CLVS1: variants seen among roughly 807,000 people sequenced by gnomAD.
CLVS1 encodes clavesin 1.
A neutral mutation model predicts 33.1 loss-of-function variants in CLVS1; 10 were observed. The observed-to-expected ratio is 0.30, with a 90% confidence interval of 0.19 to 0.51. The LOEUF (loss-of-function observed/expected upper bound fraction) is 0.51. CLVS1 is among the 20% of genes least tolerant of loss of function. The pLI is 0.97. For synonymous variants in CLVS1, 163 were observed against 166.1 expected (o/e 0.98, Z 0.14); for missense variants, 343 against 433.4 (o/e 0.79, Z 1.85).
chr8:61,151,409 T>C (rs1193838399), intron 2 of CLVS1, among the ~76,000 whole-genome samples: 5 of 152,202 alleles, frequency 3.3e-5, no homozygotes, highest in Non-Finnish European at 1.5e-5. Flanking sequence ...CCCATTTTAG[T>C]CATGAGAACA....
At chr8:61,193,362 G>T (rs1354074776) in intron 2 of CLVS1, among the ~76,000 whole-genome samples, 3 of 152,084 alleles carry the variant, frequency 2.0e-5, no homozygotes, top group Non-Finnish European at 4.4e-5. Context: ...ACACACCTGG[G>T]CCTGTCGTAG....
At position 61,337,555 on chromosome 8, in the gene CLVS1, C is replaced by T. The variant is rs188376899; in HGVS notation, c.455+37273C>T. On this transcript the variant is annotated intron_variant, in intron 2 of 5. Coordinates refer to ENST00000325897, the MANE Select transcript of CLVS1 (RefSeq NM_173519.3). The stretch of plus-strand genomic sequence containing the variant: ...CCAAAAGCACAACCGAGACACCTGC[C>T]GAGTTTGAGAGATTTCCTCTGCTGT... Among the ~76,000 whole-genome samples the T allele has an allele frequency of 6.0e-4, 91 of 152,210 alleles. No homozygotes were observed. The East Asian group carries it at 0.015, about 26-fold the overall frequency.
At chr8:61,212,313 T>A (rs1156790013) in intron 2 of CLVS1, among the ~76,000 whole-genome samples, 8 of 151,830 alleles carry the variant, frequency 5.3e-5, no homozygotes, top group Admixed American at 3.3e-4. Context: ...GCAACAGAGG[T>A]AGGCAGTGAG....
intron 2 of CLVS1, among the ~76,000 whole-genome samples, chr8:61,211,836 A>G (rs1470448534): frequency 6.6e-6 from 1 of 152,198 alleles, no homozygotes; most frequent in Admixed American, 6.5e-5. Flanking sequence ...CAGAAAGGTC[A>G]AAGTCAGAGA....
chr8:60,975,130 A>C, the CLVS1 span, among the ~76,000 whole-genome samples: 7,178 of 152,264 alleles, frequency 0.047, 310 homozygotes, highest in African/African-American at 0.12. Context: ...AGGAAATAGC[A>C]GGAGTAAGAG....
At chr8:61,338,036 A>T (rs1410353652) in intron 2 of CLVS1, among the ~76,000 whole-genome samples, 1 of 152,160 alleles carries the variant, frequency 6.6e-6, no homozygotes, top group Non-Finnish European at 1.5e-5. Context: ...ATACCTTGAG[A>T]CTTGGCACCC....
intron 1 of CLVS1, among the ~76,000 whole-genome samples, chr8:61,073,507 C>T (rs1270930187): frequency 1.3e-5 from 2 of 152,172 alleles, no homozygotes; most frequent in African/African-American, 4.8e-5. Flanking sequence ...TTTGTAGAAT[C>T]TGTTTGTTCA....
chr8:61,245,619 C>A (rs909228247), intron 2 of CLVS1, among the ~76,000 whole-genome samples: 2 of 151,780 alleles, frequency 1.3e-5, no homozygotes, highest in Non-Finnish European at 2.9e-5. Context: ...CATCTTATAT[C>A]ATCAGCATCT....
At chr8:61,063,498 C>T (rs1804623168) in intron 1 of CLVS1, among the ~76,000 whole-genome samples, 1 of 152,038 alleles carries the variant, frequency 6.6e-6, no homozygotes, top group South Asian at 2.1e-4. Flanking sequence ...AGGACAGGAA[C>T]ATTGCAAGCT....
At chr8:60,984,543 G>C in the CLVS1 span, among the ~76,000 whole-genome samples, 1 of 152,018 alleles carries the variant, frequency 6.6e-6, no homozygotes, top group African/African-American at 2.4e-5. Context: ...GGCCAGGCTG[G>C]TCTCGAACTC....
chr8:60,969,044 A>G, the CLVS1 span, among the ~76,000 whole-genome samples: 4 of 152,224 alleles, frequency 2.6e-5, no homozygotes, highest in Admixed American at 2.0e-4. Context: ...TGTGGTGGAG[A>G]CAACAATGAA....
At chr8:61,411,512 TA>T (rs1156483846) in intron 3 of CLVS1, among the ~76,000 whole-genome samples, 1 of 151,996 alleles carries the variant, frequency 6.6e-6, no homozygotes, top group Non-Finnish European at 1.5e-5. Flanking sequence ...AGAAATAAAT[TA>T]AACACACAGG....
At chr8:60,972,589 A>G in the CLVS1 span, among the ~76,000 whole-genome samples, 2 of 152,094 alleles carry the variant, frequency 1.3e-5, no homozygotes, top group Non-Finnish European at 2.9e-5. Context: ...ATTATTGTAG[A>G]CCTAAGGTTG....
intron 1 of CLVS1, among the ~76,000 whole-genome samples, chr8:61,116,763 G>C (rs1323336048): frequency 1.4e-5 from 2 of 142,912 alleles, no homozygotes; most frequent in Admixed American, 1.4e-4. Context: ...ATGCTGTTTT[G>C]GTTACTGTAG....
intron 2 of CLVS1, among the ~76,000 whole-genome samples, chr8:61,281,184 A>G (rs1386216648): frequency 1.3e-5 from 2 of 152,248 alleles, no homozygotes; most frequent in Non-Finnish European, 2.9e-5. Context: ...AGATATATTG[A>G]AAGTCTTCAT....
At chr8:61,365,237 A>G (rs1343057814) in intron 2 of CLVS1, among the ~76,000 whole-genome samples, 1 of 152,196 alleles carries the variant, frequency 6.6e-6, no homozygotes. Flanking sequence ...TGCAAGATCT[A>G]TAAATGTTGG....
chr8:61,183,136 G>C (rs527668096), intron 2 of CLVS1, among the ~76,000 whole-genome samples: 12 of 131,774 alleles, frequency 9.1e-5, no homozygotes, highest in African/African-American at 2.8e-4. Flanking sequence ...ACACACACCA[G>C]GGCCTGTGGG....
At chr8:61,381,093 T>C (rs1051128693) in intron 3 of CLVS1, among the ~76,000 whole-genome samples, 2 of 152,194 alleles carry the variant, frequency 1.3e-5, no homozygotes, top group African/African-American at 4.8e-5. Flanking sequence ...CATGTCATTA[T>C]GGTCTAGCCA....
At chr8:61,337,617 A>G (rs1811852043) in intron 2 of CLVS1, among the ~76,000 whole-genome samples, 1 of 152,108 alleles carries the variant, frequency 6.6e-6, no homozygotes, top group African/African-American at 2.4e-5. Context: ...AGATCCAACC[A>G]ATTGCAATTT....
Sources: allele counts gnomAD v4.1 joint callset (sites outside exome capture counted in the v4.1 genomes callset), GRCh38; gene constraint gnomAD v4.1.1; transcripts MANE v1.5; gene names NCBI Gene and HGNC (gene_info 2026-07-23, HGNC 2026-07-21).